The following CCDC6 variants were observed in gnomAD, a reference collection of about 807,000 sequenced individuals.
CCDC6 encodes the protein coiled-coil domain-containing protein 6.
A neutral mutation model predicts 56.6 loss-of-function variants in CCDC6; 20 were observed. The ratio of observed to expected loss-of-function variants is 0.35; its 90% confidence interval spans 0.25 to 0.51. The LOEUF is 0.51. Among genes scored for constraint, CCDC6 ranks in the 20% least tolerant of loss-of-function variants. The pLI is 0.95. For missense variants in CCDC6, 367 were observed against 601.1 expected (o/e 0.61, Z 4.07); for synonymous variants, 241 against 234.4 (o/e 1.03, Z -0.26).
intron 5 of CCDC6, among the ~76,000 whole-genome samples, chr10:59,807,448 C>T (rs2070635559): frequency 6.6e-6 from 1 of 152,152 alleles, no homozygotes; most frequent in Admixed American, 6.5e-5. Flanking sequence ...TGAGCTACTG[C>T]ACTTCAGCCT....
At position 59,791,880 on chromosome 10, in the gene CCDC6, C is replaced by T. The variant is rs114501295; in HGVS notation, c.*1037G>A. ...ATGAACAGCCATCAATGCTAATGTG[C>T]TACTTTCCTTTAGACCTTATTTTCT... is the stretch of plus-strand genomic sequence containing the variant. On this transcript the variant is annotated 3_prime_UTR_variant, in exon 9 of 9. Coordinates refer to ENST00000263102, the MANE Select transcript of CCDC6 (RefSeq NM_005436.5). The T allele has an allele frequency of 4.2e-3, 921 of 219,642 alleles. 8 individuals carry two copies. Among genetic ancestry groups the T allele is most frequent in the African/African-American group, 0.019 (871 of 44,682 alleles). 13.6% of individuals were successfully genotyped at this position (219,642 alleles called of 1,614,324 possible).
chr10:59,883,770 G>A (rs1440376919), intron 1 of CCDC6, among the ~76,000 whole-genome samples: 4 of 152,128 alleles, frequency 2.6e-5, no homozygotes, highest in Non-Finnish European at 5.9e-5. Flanking sequence ...GAGAACAGAG[G>A]GCTAAGATCC....
At chr10:59,877,714 C>T (rs1446547773) in intron 1 of CCDC6, among the ~76,000 whole-genome samples, 2 of 152,150 alleles carry the variant, frequency 1.3e-5, no homozygotes, top group Non-Finnish European at 2.9e-5. Context: ...TGACCCCATT[C>T]TGTGGTAAGA....
At chr10:59,902,388 CTTTTTT>C (rs35175510) in intron 1 of CCDC6, among the ~76,000 whole-genome samples, 9 of 88,412 alleles carry the variant, frequency 1.0e-4, no homozygotes, top group Non-Finnish European at 1.7e-4. Context: ...AACAGTAACT[CTTTTTT>C]TTTTTTTTTT....
At chr10:59,822,659 C>T (rs924700855) in intron 3 of CCDC6, among the ~76,000 whole-genome samples, 7 of 152,106 alleles carry the variant, frequency 4.6e-5, no homozygotes, top group Non-Finnish European at 1.0e-4. Context: ...ACTTGGGAGG[C>T]TCATGCAGGA....
At chr10:59,903,793 A>G (rs2071521648) in intron 1 of CCDC6, among the ~76,000 whole-genome samples, 1 of 152,254 alleles carries the variant, frequency 6.6e-6, no homozygotes, top group African/African-American at 2.4e-5. Flanking sequence ...TGTACAGCTT[A>G]ACCTTGACAT....
Position 59,886,206 on chromosome 10 carries a change from G to A in CCDC6, c.303+19916C>T, listed in dbSNP as rs191051884. ...TAAAACCACCAGATAAACAGAGCCCGAAACGGACCAGGATAGAAAAATAAT... is the reference window on the plus strand; with the variant it reads ...TAAAACCACCAGATAAACAGAGCCCAAAACGGACCAGGATAGAAAAATAAT... On this transcript the variant is annotated intron_variant, in intron 1 of 8. Coordinates refer to ENST00000263102, the MANE Select transcript of CCDC6 (RefSeq NM_005436.5). 4.6e-3 allele frequency among the ~76,000 whole-genome samples: 697 copies of A among 152,224 alleles called. 3 individuals carry two copies. Among genetic ancestry groups the A allele is most frequent in the Non-Finnish European group, 7.5e-3 (507 of 68,024 alleles).
At chr10:59,879,851 G>C (rs191644849) in intron 1 of CCDC6, among the ~76,000 whole-genome samples, 10 of 152,182 alleles carry the variant, frequency 6.6e-5, no homozygotes, top group African/African-American at 2.4e-4. Flanking sequence ...TCAATGCAAT[G>C]AACGATAAAC....
In CCDC6 at chr10:59,851,184, AC is replaced by A. The variant is rs565935693; in HGVS notation, c.453+1368del. 1.5e-3 allele frequency among the ~76,000 whole-genome samples: 230 copies of A among 149,874 alleles called. 3 individuals are homozygous for A. Among genetic ancestry groups the A allele is most frequent in the African/African-American group, 5.4e-3 (221 of 40,834 alleles). ...TTCTTGCAGTGCCAAAAATTATGGC[AC>A]CTGATTACACATACACCTAGGAAAA... On this transcript the variant is annotated intron_variant, in intron 2 of 8. Transcript: ENST00000263102.
rs375483682 is a variant in CCDC6 at position 59,904,395 on chromosome 10, T to C, written c.303+1727A>G. On this transcript the variant is annotated intron_variant, in intron 1 of 8. Coordinates refer to ENST00000263102, the MANE Select transcript of CCDC6 (RefSeq NM_005436.5). ...CCTTTCATAGTCTCTGCATCCCTCATTCCTCCCTCCCAAACAAAACCAGCC... is the reference window on the plus strand; with the variant it reads ...CCTTTCATAGTCTCTGCATCCCTCACTCCTCCCTCCCAAACAAAACCAGCC... Among the ~76,000 whole-genome samples, 5 of 152,294 alleles carry C rather than the reference T, an allele frequency of 3.3e-5. 1 individual carries two copies. The highest frequency in any genetic ancestry group is 1.2e-4 in the African/African-American group (5 of 41,580).
intron 1 of CCDC6, among the ~76,000 whole-genome samples, chr10:59,853,411 G>A (rs2071055339): frequency 6.6e-6 from 1 of 152,138 alleles, no homozygotes; most frequent in Non-Finnish European, 1.5e-5. Context: ...GCACATGCCT[G>A]TGGTTCCAGC....
Position 59,804,533 on chromosome 10 carries a change from A to G in CCDC6, c.1005-13T>C. 12 of 1,506,116 alleles carry G rather than the reference A, an allele frequency of 8.0e-6. No homozygotes were observed. The highest frequency in any genetic ancestry group is 1.1e-5 in the Non-Finnish European group (12 of 1,081,428). 93.3% of individuals were successfully genotyped at this position (1,506,116 alleles called of 1,614,324 possible). A position where few individuals can be genotyped will look rare whatever the true frequency, so the allele number is the denominator to read the frequency against. On this transcript the variant is annotated splice_polypyrimidine_tract_variant and intron_variant, in intron 6 of 8. Transcript: ENST00000263102. ...CTCATTAAAATACCTAAGAGGAGAG[A>G]GGAGGAAACGATAAAACCACCTGCA...
At chr10:59,800,626 T>TC (rs1491362348) in intron 7 of CCDC6, among the ~76,000 whole-genome samples, 1 of 151,958 alleles carries the variant, frequency 6.6e-6, no homozygotes, top group Non-Finnish European at 1.5e-5. Context: ...TTTTTTTTTT[T>TC]TAAACCTGCT....
chr10:59,861,432 CA>C (rs55716341), intron 1 of CCDC6, among the ~76,000 whole-genome samples: 9,564 of 88,956 alleles, frequency 0.11, 872 homozygotes, highest in African/African-American at 0.31. Flanking sequence ...CAAAAATTAC[CA>C]AAAAAAAAAA....
At position 59,793,002 on chromosome 10, in the gene CCDC6, G is replaced by C. The variant is rs1261904205; in HGVS notation, c.1340C>G (p.Pro447Arg). The C allele has an allele frequency of 2.6e-5, 42 of 1,613,256 alleles. No individual in the cohort carries two copies. The Admixed American group carries it at 6.7e-4, about 26-fold the overall frequency. The change falls in exon 9 of 9, where the codon CCA becomes CGA. Residue 447 changes from proline to arginine, a missense_variant. Around this residue, in one of 7 missense-constraint regions of CCDC6, gnomAD observed 54 missense variants for 60.0 expected, o/e 0.90. Transcript: ENST00000263102. The part of the protein sequence containing the change: ...PVQPPPPPPP[P>R]PMQPTVPSAA... Reference sequence around the variant, plus strand: ...TGAGGGGACCGTGGGCTGCATGGGTGGCGGAGGTGGAGGCGGAGGTGGCTG... The same window carrying C: ...TGAGGGGACCGTGGGCTGCATGGGTCGCGGAGGTGGAGGCGGAGGTGGCTG...
chr10:59,888,034 T>C (rs1008948948), intron 1 of CCDC6, among the ~76,000 whole-genome samples: 1 of 152,198 alleles, frequency 6.6e-6, no homozygotes, highest in African/African-American at 2.4e-5. Context: ...TGAAATAATT[T>C]AGCTGAAACC....
intron 2 of CCDC6, among the ~76,000 whole-genome samples, chr10:59,841,135 T>G (rs2070934659): frequency 6.6e-6 from 1 of 152,124 alleles, no homozygotes; most frequent in Non-Finnish European, 1.5e-5. Context: ...CATCTATCAC[T>G]CTTCTCTCCC....
At position 59,834,569 on chromosome 10, in the gene CCDC6, GA is replaced by G. The variant is rs11432454; in HGVS notation, c.454-1917del. 2.1e-3 allele frequency among the ~76,000 whole-genome samples: 254 copies of G among 121,136 alleles called. 1 individual carries two copies. The highest frequency in any genetic ancestry group is 3.4e-3 in the Non-Finnish European group (181 of 53,360). The allele number at this position is 121,136 out of a possible 152,430, so 79.5% of individuals were successfully genotyped here. A position where few individuals can be genotyped will look rare whatever the true frequency, so the allele number is the denominator to read the frequency against. On this transcript the variant is annotated intron_variant, in intron 2 of 8. Coordinates refer to ENST00000263102, the MANE Select transcript of CCDC6 (RefSeq NM_005436.5). The stretch of plus-strand genomic sequence containing the variant: ...CAGAGCGAGACTCTGTCTCAAAAAA[GA>G]AAAAAAAAAAAGAAAAAAAAATTTT...
intron 2 of CCDC6, among the ~76,000 whole-genome samples, chr10:59,851,436 C>T (rs1346194315): frequency 2.6e-5 from 4 of 152,090 alleles, no homozygotes; most frequent in Non-Finnish European, 1.5e-5. Flanking sequence ...TCAGTAACTA[C>T]CATATAAATC....
Sources: allele counts gnomAD v4.1 joint callset (sites outside exome capture counted in the v4.1 genomes callset), GRCh38; gene constraint gnomAD v4.1.1; regional missense constraint gnomAD v4.1.1; transcripts MANE v1.5; gene names NCBI Gene and HGNC (gene_info 2026-07-23, HGNC 2026-07-21).